ARIH1: variants seen among roughly 807,000 people sequenced by gnomAD.
The protein encoded by ARIH1 is ariadne RBR E3 ubiquitin protein ligase 1, also known as E3 ubiquitin-protein ligase ARIH1.
A neutral mutation model predicts 85.0 loss-of-function variants in ARIH1; 8 were observed. The observed-to-expected ratio is 0.09, with a 90% CI of 0.06 to 0.17. ARIH1 has a LOEUF of 0.17. Among genes scored for constraint, ARIH1 ranks in the 10% least tolerant of loss-of-function variants. ARIH1 has a pLI of 1.00. For synonymous variants in ARIH1, 238 were observed against 253.6 expected, an observed-to-expected ratio of 0.94 and a Z score of 0.59; for missense variants, 311 against 718.1, an observed-to-expected ratio of 0.43 and a Z score of 6.48.
chr15:72,518,343 T>C, intron 2 of ARIH1, among the ~76,000 whole-genome samples: 1 of 123,696 alleles, frequency 8.1e-6, no homozygotes, highest in East Asian at 2.7e-4. Context: ...TAGTGTTTCT[T>C]TTTATTTGGG....
At chr15:72,493,504 G>T (rs934722180) in intron 1 of ARIH1, among the ~76,000 whole-genome samples, 1 of 152,132 alleles carries the variant, frequency 6.6e-6, no homozygotes, top group Non-Finnish European at 1.5e-5. Flanking sequence ...ATACTGAAGG[G>T]TTGGTGGGTT....
intron 2 of ARIH1, among the ~76,000 whole-genome samples, chr15:72,532,439 T>C (rs1406379391): frequency 6.6e-6 from 1 of 152,146 alleles, no homozygotes; most frequent in East Asian, 1.9e-4. Flanking sequence ...TAATTTAAAA[T>C]GTTCTTATAA....
intron 1 of ARIH1, among the ~76,000 whole-genome samples, chr15:72,513,024 C>T (rs2063957088): frequency 6.6e-6 from 1 of 151,960 alleles, no homozygotes; most frequent in Non-Finnish European, 1.5e-5. Context: ...CATCTTTTTA[C>T]TTTTAATCTG....
At chr15:72,495,055 AC>A (rs2063874303) in intron 1 of ARIH1, among the ~76,000 whole-genome samples, 1 of 152,178 alleles carries the variant, frequency 6.6e-6, no homozygotes, top group South Asian at 2.1e-4. Context: ...AGTAAAAGAG[AC>A]CTAGGGCAGT....
At chr15:72,490,433 G>A (rs542636959) in intron 1 of ARIH1, among the ~76,000 whole-genome samples, 12 of 152,196 alleles carry the variant, frequency 7.9e-5, no homozygotes, top group African/African-American at 2.9e-4. Flanking sequence ...ATTCTCATAG[G>A]AGTGCAAACC....
At chr15:72,505,883 G>A (rs949107353) in intron 1 of ARIH1, among the ~76,000 whole-genome samples, 1 of 151,980 alleles carries the variant, frequency 6.6e-6, no homozygotes, top group African/African-American at 2.4e-5. Flanking sequence ...TTACAGGCTC[G>A]TGCCACCATA....
At chr15:72,498,022 G>T (rs780610662) in intron 1 of ARIH1, among the ~76,000 whole-genome samples, 4 of 152,092 alleles carry the variant, frequency 2.6e-5, no homozygotes, top group Non-Finnish European at 5.9e-5. Context: ...GTTTTTTAAA[G>T]ATTTTTTTTC....
chr15:72,534,063 G>A (rs2064070152), intron 2 of ARIH1, among the ~76,000 whole-genome samples: 1 of 151,992 alleles, frequency 6.6e-6, no homozygotes, highest in South Asian at 2.1e-4. Flanking sequence ...ATGAGCAAAA[G>A]CTACAAGCCA....
At chr15:72,571,048 G>A (rs567688433) in intron 10 of ARIH1, among the ~76,000 whole-genome samples, 1 of 138,206 alleles carries the variant, frequency 7.2e-6, no homozygotes, top group East Asian at 2.2e-4. Context: ...AGAATCACTT[G>A]AACTCGGGAG....
chr15:72,550,348 A>G (rs1039392695), intron 3 of ARIH1, among the ~76,000 whole-genome samples: 3 of 152,268 alleles, frequency 2.0e-5, no homozygotes, highest in African/African-American at 7.2e-5. Flanking sequence ...GTGATCACTT[A>G]GTAACCATTG....
chr15:72,533,735 C>T (rs2064068514), intron 2 of ARIH1, among the ~76,000 whole-genome samples: 3 of 151,900 alleles, frequency 2.0e-5, no homozygotes, highest in Admixed American at 2.0e-4. Flanking sequence ...AGTGAGACCC[C>T]GTATTTACAG....
chr15:72,494,166 A>C (rs2140397984), intron 1 of ARIH1, among the ~76,000 whole-genome samples: 1 of 152,276 alleles, frequency 6.6e-6, no homozygotes, highest in Non-Finnish European at 1.5e-5. Flanking sequence ...CCATTTGTAA[A>C]TTGAGTACTT....
chr15:72,567,785 A>T (rs1490764712), intron 9 of ARIH1, among the ~76,000 whole-genome samples: 1 of 152,160 alleles, frequency 6.6e-6, no homozygotes, highest in East Asian at 1.9e-4. Flanking sequence ...ATTCAGTCCT[A>T]TCCTATCCCC....
At chr15:72,486,978 A>G (rs903174730) in intron 1 of ARIH1, among the ~76,000 whole-genome samples, 2 of 151,980 alleles carry the variant, frequency 1.3e-5, no homozygotes, top group Non-Finnish European at 2.9e-5. Context: ...ACAGGCATGA[A>G]CCACTGTGCC....
At chr15:72,580,543 C>T in intron 11 of ARIH1, 188 bp from the exon 12 acceptor site, 1 of 592,066 alleles carries the variant, frequency 1.7e-6, no homozygotes, top group Non-Finnish European at 2.9e-6. Context: ...AATTTACATT[C>T]CCATCAACAG....
chr15:72,517,341 A>T (rs999594557), intron 1 of ARIH1, among the ~76,000 whole-genome samples: 1 of 152,104 alleles, frequency 6.6e-6, no homozygotes, highest in Non-Finnish European at 1.5e-5. Context: ...GGGGCCTGAG[A>T]TCCTCCTGCC....
At chr15:72,537,027 A>G (rs1218644388) in intron 2 of ARIH1, among the ~76,000 whole-genome samples, 1 of 151,878 alleles carries the variant, frequency 6.6e-6, no homozygotes, top group African/African-American at 2.4e-5. Context: ...ATTTTTTTTT[A>G]GAGATTAGCT....
At position 72,586,784 on chromosome 15, in the gene ARIH1, T is replaced by C. The variant is rs2064318829; in HGVS notation, c.*3492T>C. On this transcript the variant is annotated 3_prime_UTR_variant, in exon 14 of 14. Transcript: ENST00000379887. ...ATTTCCAATTTCTGCATCTCAGATA[T>C]TGAATTTAAATTGTTTGTGTTGTAA... The C allele has an allele frequency of 6.5e-6, 1 of 152,756 alleles. No homozygotes were observed. The highest frequency in any genetic ancestry group is 1.5e-5 in the Non-Finnish European group (1 of 68,592). The allele number at this position is 152,756 out of a possible 1,614,324, so 9.5% of individuals were successfully genotyped here.
At chr15:72,528,649 T>C (rs1270298224) in intron 2 of ARIH1, among the ~76,000 whole-genome samples, 1 of 151,212 alleles carries the variant, frequency 6.6e-6, no homozygotes. Flanking sequence ...AGCGTAGGAG[T>C]TTGAGACTAG....
Sources: allele counts gnomAD v4.1 joint callset (sites outside exome capture counted in the v4.1 genomes callset), GRCh38; gene constraint gnomAD v4.1.1; transcripts MANE v1.5; gene names NCBI Gene and HGNC (gene_info 2026-07-23, HGNC 2026-07-21).